The following F2R variants were observed in gnomAD, a reference collection of about 807,000 sequenced individuals.
The protein encoded by F2R is coagulation factor II thrombin receptor.
F2R carries 12 observed loss-of-function variants against 18.3 expected under a neutral mutation model. That is an observed-to-expected ratio of 0.66 (90% CI 0.42 to 1.06). F2R has a LOEUF of 1.06. Ranked by LOEUF, F2R falls within the 50% of genes least tolerant of loss-of-function variation. The pLI, the probability that F2R is intolerant of heterozygous loss-of-function variation, is 0.00. For synonymous variants in F2R, 210 were observed against 219.9 expected (o/e 0.95, Z 0.40); for missense variants, 438 against 530.8 (o/e 0.83, Z 1.72).
chr5:76,733,253 C>G lies in F2R; in HGVS notation c.1028C>G (p.Thr343Ser), dbSNP rs1368184540. Reference sequence around the variant, plus strand: ...GCGCATTACTCATTCCTTTCTCACACTTCCACCACAGAGGCTGCCTACTTT... The same window carrying G: ...GCGCATTACTCATTCCTTTCTCACAGTTCCACCACAGAGGCTGCCTACTTT... Reference protein sequence around the residue: ...LIAHYSFLSHTSTTEAAYFAY... With the variant: ...LIAHYSFLSHSSTTEAAYFAY... Residue 343 changes from threonine (T) to serine (S), a missense_variant, in exon 2 of 2, where the codon ACT becomes AGT. Thr to Ser is a moderately conservative substitution (Grantham distance 58). Transcript: ENST00000319211. 6.2e-7 allele frequency: 1 copy of G among 1,614,232 alleles called. No individual in the cohort carries two copies.
chr5:76,727,635 C>T (rs774070674), intron 1 of F2R, among the ~76,000 whole-genome samples: 2 of 151,790 alleles, frequency 1.3e-5, no homozygotes, highest in Non-Finnish European at 2.9e-5. Flanking sequence ...TGGTACTACT[C>T]TAGCTTTGCT....
chr5:76,729,724 T>A (rs1210309320), intron 1 of F2R, among the ~76,000 whole-genome samples: 1 of 152,206 alleles, frequency 6.6e-6, no homozygotes, highest in Non-Finnish European at 1.5e-5. Flanking sequence ...TTTATCACTT[T>A]TGTGTATATT....
chr5:76,718,298 A>G (rs1748381687), intron 1 of F2R, among the ~76,000 whole-genome samples: 1 of 152,192 alleles, frequency 6.6e-6, no homozygotes, highest in South Asian at 2.1e-4. Flanking sequence ...AAAATTTAAA[A>G]TCACTAATAA....
rs560508383 is a variant in F2R, at chr5:76,732,564, T to C, written c.339T>C (p.Phe113=). 5.6e-6 allele frequency: 9 copies of C among 1,614,242 alleles called. No individual in the cohort carries two copies. Among genetic ancestry groups the C allele is most frequent in the Non-Finnish European group, 7.6e-6 (9 of 1,180,040 alleles). ...TCCCATCTGTGTACACCGGAGTGTT[T>C]GTAGTCAGCCTCCCACTAAACATCA... ...LFVPSVYTGV[F]VVSLPLNIMA... Residue 113 remains phenylalanine (F), a synonymous_variant, in exon 2 of 2, where the codon TTT becomes TTC. Transcript: ENST00000319211.
At chr5:76,716,542 A>C (rs1175416536) in intron 1 of F2R, 147 bp downstream of exon 1, 6 of 759,326 alleles carry the variant, frequency 7.9e-6, no homozygotes, top group Admixed American at 3.3e-5. Context: ...AGTTTTTTCC[A>C]GTCACGTTTA....
intron 1 of F2R, among the ~76,000 whole-genome samples, chr5:76,720,409 G>A (rs1268618352): frequency 6.6e-6 from 1 of 152,026 alleles, no homozygotes; most frequent in Non-Finnish European, 1.5e-5. Context: ...ACTCCAGCCT[G>A]GGCAACAGAG....
chr5:76,732,799 C>A lies in F2R; in HGVS notation c.574C>A (p.Leu192Ile). 3 of 1,614,188 alleles carry A rather than the reference C, an allele frequency of 1.9e-6. No homozygotes were observed. Among genetic ancestry groups the A allele is most frequent in the Non-Finnish European group, 2.5e-6 (3 of 1,180,046 alleles). ...CTGTAACATGTACGCCTCTATCTTG[C>A]TCATGACAGTCATAAGCATTGACCG... ...FYCNMYASIL[L>I]MTVISIDRFL... The change falls in exon 2 of 2, where the codon CTC (leucine) becomes ATC (isoleucine). Residue 192 changes from leucine to isoleucine, a missense_variant. Coordinates refer to ENST00000319211, the MANE Select transcript of F2R (RefSeq NM_001992.5).
rs1041538991 is a variant in F2R, at chr5:76,734,935, T to G, written c.*1432T>G. 1.3e-5 allele frequency: 2 copies of G among 152,382 alleles called. No individual in the cohort carries two copies. Among genetic ancestry groups the G allele is most frequent in the Non-Finnish European group, 2.9e-5 (2 of 68,044 alleles). 9.4% of individuals were successfully genotyped at this position (152,382 alleles called of 1,614,324 possible). ...TTCTTTTAAGAATCAATCATGTCAG[T>G]CTGCTTAGAAATAACAGAAGAAAAT... On this transcript the variant is annotated 3_prime_UTR_variant, in exon 2 of 2. Transcript: ENST00000319211.
Position 76,733,214 on chromosome 5 carries a change from A to C in F2R, c.989A>C (p.Asn330Thr), listed in dbSNP as rs1170647115. 1.2e-6 allele frequency: 2 copies of C among 1,613,922 alleles called. No homozygotes were observed. Among genetic ancestry groups the C allele is most frequent in the South Asian group, 2.2e-5 (2 of 91,058 alleles). Residue 330 changes from asparagine to threonine, a missense_variant, in exon 2 of 2, where the codon AAC (asparagine) becomes ACC (threonine). By Grantham distance (65) the Asn-to-Thr change is moderately conservative. Coordinates refer to ENST00000319211, the MANE Select transcript of F2R (RefSeq NM_001992.5). ...TTCATCATTTGCTTCGGACCCACAA[A>C]CGTCCTCCTGATTGCGCATTACTCA... The part of the protein sequence containing the change: ...CIFIICFGPT[N>T]VLLIAHYSFL...
rs568758286 is a variant in F2R at position 76,733,001 on chromosome 5, A to G, written c.776A>G (p.Asn259Ser). Residue 259 changes from asparagine to serine, a missense_variant, in exon 2 of 2, where the codon AAT (asparagine) becomes AGT (serine). Coordinates refer to ENST00000319211, the MANE Select transcript of F2R (RefSeq NM_001992.5). ...LNITTCHDVL[N>S]ETLLEGYYAY... ...ATCACTACCTGTCATGATGTGCTCA[A>G]TGAAACCCTGCTCGAAGGCTACTAT... 1.7e-5 allele frequency: 28 copies of G among 1,614,162 alleles called. No individual in the cohort carries two copies. Among genetic ancestry groups the G allele is most frequent in the African/African-American group, 1.6e-4 (12 of 75,038 alleles).
chr5:76,719,286 G>T (rs37244), intron 1 of F2R, among the ~76,000 whole-genome samples: 114,632 of 152,220 alleles, frequency 0.75, 43,281 homozygotes, highest in African/African-American at 0.79. Context: ...TAAGTCACAA[G>T]TTGAGAAAGA....
At chr5:76,723,388 G>A (rs991247330) in intron 1 of F2R, among the ~76,000 whole-genome samples, 4 of 152,216 alleles carry the variant, frequency 2.6e-5, no homozygotes, top group African/African-American at 9.6e-5. Context: ...GCAGACCTAG[G>A]TTCAAACCCT....
At chr5:76,721,569 A>G (rs1343989294) in intron 1 of F2R, among the ~76,000 whole-genome samples, 1 of 152,246 alleles carries the variant, frequency 6.6e-6, no homozygotes. Flanking sequence ...AAAAGACATT[A>G]TGTAATCTAT....
chr5:76,728,589 A>G (rs1561629878), intron 1 of F2R, among the ~76,000 whole-genome samples: 1 of 151,406 alleles, frequency 6.6e-6, no homozygotes, highest in Admixed American at 6.6e-5. Flanking sequence ...TTATTCATTC[A>G]TTCATTCATC....
At chr5:76,716,676 G>A (rs1248064772) in intron 1 of F2R, 2 of 746,278 alleles carry the variant, frequency 2.7e-6, no homozygotes. Flanking sequence ...GCCCCCTGGG[G>A]GAGCCTGCAG....
At chr5:76,716,606 T>A (rs1273785773) in intron 1 of F2R, 14 of 721,018 alleles carry the variant, frequency 1.9e-5, no homozygotes, top group Non-Finnish European at 3.2e-5. Context: ...TTGGACTCGA[T>A]CTTGGAGGGT....
intron 1 of F2R, chr5:76,716,671 C>T (rs1748349913): frequency 1.3e-6 from 1 of 745,794 alleles, no homozygotes; most frequent in Non-Finnish European, 2.4e-6. Context: ...CGGAAGCCCC[C>T]TGGGGGAGCC....
At chr5:76,723,020 C>G (rs1293081617) in intron 1 of F2R, among the ~76,000 whole-genome samples, 1 of 151,756 alleles carries the variant, frequency 6.6e-6, no homozygotes, top group Non-Finnish European at 1.5e-5. Flanking sequence ...TCACTTACTG[C>G]TCTTGCATCT....
At chr5:76,716,729 C>G (rs759127622) in intron 1 of F2R, 6 of 672,282 alleles carry the variant, frequency 8.9e-6, no homozygotes, top group Non-Finnish European at 1.6e-5. Flanking sequence ...AGGACCACCC[C>G]CAAAAAGAAA....
Sources: gnomAD v4.1 joint callset for allele counts (sites outside exome capture counted in the v4.1 genomes callset) on GRCh38, gnomAD v4.1.1 for gene constraint, MANE v1.5 for transcripts, NCBI Gene and HGNC (gene_info 2026-07-23, HGNC 2026-07-21) for gene names.